The following EHMT1 variants were observed in gnomAD, a reference collection of about 807,000 sequenced individuals.
The protein encoded by EHMT1 is euchromatic histone lysine methyltransferase 1, also known as histone-lysine N-methyltransferase EHMT1.
EHMT1 carries 15 observed loss-of-function variants against 147.2 expected under a neutral mutation model. The observed-to-expected ratio is 0.10, with a 90% CI of 0.07 to 0.16. EHMT1 has a LOEUF of 0.16. Among genes scored for constraint, EHMT1 ranks in the 10% least tolerant of loss-of-function variants. The probability of loss-of-function intolerance (pLI) is 1.00; values close to 1 mark genes in which losing one functional copy is unlikely to be tolerated. For synonymous variants in EHMT1, 795 were observed against 709.6 expected (o/e 1.12, Z -1.91); for missense variants, 1,587 against 1,772.4 (o/e 0.90, Z 1.88).
intron 1 of EHMT1, among the ~76,000 whole-genome samples, chr9:137,644,509 A>G (rs372665105): frequency 1.1e-4 from 16 of 151,886 alleles, no homozygotes; most frequent in East Asian, 3.9e-4. Flanking sequence ...TGTATTTTTA[A>G]TAGAGACGGG....
At chr9:137,774,987 C>A (rs868036460) in intron 10 of EHMT1, 122 bp from the exon 11 acceptor site, 6 of 1,428,432 alleles carry the variant, frequency 4.2e-6, no homozygotes, top group East Asian at 2.3e-5. Flanking sequence ...TTGCAGGGCT[C>A]GGCTCAGTCA....
chr9:137,695,648 G>A (rs532732780), intron 1 of EHMT1, among the ~76,000 whole-genome samples: 8 of 152,340 alleles, frequency 5.3e-5, no homozygotes, highest in African/African-American at 1.7e-4. Flanking sequence ...TAGTTAGTGG[G>A]TTCTTGGCTA....
rs75346604 is a variant in EHMT1 at position 137,744,654 on chromosome 9, G to T, written c.1170+564G>T. Among the ~76,000 whole-genome samples the T allele has an allele frequency of 5.3e-3, 814 of 152,384 alleles. 8 individuals carry two copies. The highest frequency in any genetic ancestry group is 0.017 in the African/African-American group (715 of 41,594). ...TTCTGGGCTCTAGATTGACAGGAAT[G>T]ATATTGCTGACAGCTTGAAGTGCTG... is the stretch of plus-strand genomic sequence containing the variant. On this transcript the variant is annotated intron_variant, in intron 6 of 26. Coordinates refer to ENST00000460843, the MANE Select transcript of EHMT1 (RefSeq NM_024757.5).
intron 17 of EHMT1, among the ~76,000 whole-genome samples, chr9:137,799,905 C>G (rs1380970324): frequency 6.6e-6 from 1 of 152,234 alleles, no homozygotes; most frequent in Non-Finnish European, 1.5e-5. Context: ...TGACGTTGTA[C>G]CCTCCTCCAT....
chr9:137,748,416 T>C (rs1343171851), intron 6 of EHMT1, among the ~76,000 whole-genome samples: 1 of 152,240 alleles, frequency 6.6e-6, no homozygotes, highest in South Asian at 2.1e-4. Flanking sequence ...CCACTGTGGA[T>C]GGCCTGTGGG....
chr9:137,791,069 G>A, intron 16 of EHMT1, 99 bp downstream of exon 16: 1 of 1,595,322 alleles, frequency 6.3e-7, no homozygotes, highest in South Asian at 1.1e-5. Context: ...AGGACTTGGG[G>A]CCTTCACACA....
intron 1 of EHMT1, among the ~76,000 whole-genome samples, chr9:137,670,841 G>A (rs567835528): frequency 6.6e-6 from 1 of 152,254 alleles, no homozygotes; most frequent in African/African-American, 2.4e-5. Context: ...TCCATTCTCT[G>A]TCCGCTCGCC....
chr9:137,757,876 C>A lies in EHMT1; in HGVS notation c.1370-4C>A. 1 of 1,613,780 alleles carries A rather than the reference C, an allele frequency of 6.2e-7. No homozygotes were observed. Among genetic ancestry groups the A allele is most frequent in the South Asian group, 1.1e-5 (1 of 91,066 alleles). On this transcript the variant is annotated splice_region_variant and splice_polypyrimidine_tract_variant and intron_variant, in intron 8 of 26. Transcript: ENST00000460843. ...TGTCTGATGTGTGTGCCTTTCATACCTAGGTTCTGAGTCGTATAAGTCATC... is the reference window on the plus strand; with the variant it reads ...TGTCTGATGTGTGTGCCTTTCATACATAGGTTCTGAGTCGTATAAGTCATC...
chr9:137,830,832 C>T (rs188978118), intron 25 of EHMT1, among the ~76,000 whole-genome samples: 126 of 152,304 alleles, frequency 8.3e-4, no homozygotes, highest in Non-Finnish European at 1.6e-3. Context: ...GAAGTTCACA[C>T]CCAGAAAAGC....
chr9:137,724,896 GAT>G (rs1491071703), intron 3 of EHMT1, among the ~76,000 whole-genome samples: 1 of 139,556 alleles, frequency 7.2e-6, no homozygotes, highest in Non-Finnish European at 1.5e-5. Context: ...TCGTGGGACA[GAT>G]GTGGCATTCG....
At chr9:137,741,271 G>A (rs1013188421) in intron 4 of EHMT1, among the ~76,000 whole-genome samples, 1 of 152,256 alleles carries the variant, frequency 6.6e-6, no homozygotes, top group Admixed American at 6.5e-5. Flanking sequence ...GAGCCACTGC[G>A]CCCGGCCGAC....
intron 18 of EHMT1, among the ~76,000 whole-genome samples, chr9:137,803,805 C>G (rs1429050182): frequency 6.7e-6 from 1 of 150,074 alleles, no homozygotes; most frequent in African/African-American, 2.5e-5. Flanking sequence ...AAGCTGAGAT[C>G]GCACCACTGC....
In EHMT1 at chr9:137,628,313, C is replaced by T. The variant is rs552783115; in HGVS notation, c.21+9264C>T. Among the ~76,000 whole-genome samples the T allele has an allele frequency of 3.9e-5, 6 of 152,304 alleles. No individual in the cohort carries two copies. The South Asian group carries it at 1.2e-3, about 32-fold the overall frequency. On this transcript the variant is annotated intron_variant, in intron 1 of 26. Transcript: ENST00000460843. The stretch of plus-strand genomic sequence containing the variant: ...ATTTGTGTTCTATTTAGGGATTTCA[C>T]ATGTCTTGGGGTTTATGTGTCTCTT...
chr9:137,824,951 G>C (rs1955704105), intron 25 of EHMT1, among the ~76,000 whole-genome samples: 1 of 152,154 alleles, frequency 6.6e-6, no homozygotes, highest in Admixed American at 6.5e-5. Flanking sequence ...GTGCAGCTTT[G>C]TTTTCTGGAA....
rs562701902 is a variant in EHMT1, at chr9:137,835,905, C to T, written c.*952C>T. The stretch of plus-strand genomic sequence containing the variant: ...CATCACCTTTTGTGTGGTGGCCTGG[C>T]AGGTCATATACTTTTTTTTGGCATA... On this transcript the variant is annotated 3_prime_UTR_variant, in exon 27 of 27. Transcript: ENST00000460843. The T allele has an allele frequency of 6.6e-6, 1 of 152,618 alleles. No homozygotes were observed. Among genetic ancestry groups the T allele is most frequent in the East Asian group, 1.9e-4 (1 of 5,184 alleles). The allele number at this position is 152,618 out of a possible 1,614,324, so 9.5% of individuals were successfully genotyped here.
At chr9:137,719,565 G>A (rs895169026) in intron 3 of EHMT1, among the ~76,000 whole-genome samples, 8 of 152,318 alleles carry the variant, frequency 5.3e-5, no homozygotes, top group Non-Finnish European at 7.4e-5. Context: ...TTCTGTACAT[G>A]GCAAAGCTTT....
intron 1 of EHMT1, among the ~76,000 whole-genome samples, chr9:137,699,319 G>A (rs568512091): frequency 2.0e-5 from 3 of 152,324 alleles, no homozygotes; most frequent in African/African-American, 7.2e-5. Flanking sequence ...ATGGAGAGGT[G>A]TCTATTTGTA....
intron 3 of EHMT1, among the ~76,000 whole-genome samples, chr9:137,726,679 CT>C (rs1564648313): frequency 6.6e-6 from 1 of 152,312 alleles, no homozygotes; most frequent in South Asian, 2.1e-4. Flanking sequence ...CCACACTTAG[CT>C]TTTTGAGTTT....
intron 14 of EHMT1, among the ~76,000 whole-genome samples, chr9:137,780,484 TGTG>T (rs1424231947): frequency 3.2e-4 from 38 of 118,222 alleles, no homozygotes; most frequent in East Asian, 2.9e-4. Flanking sequence ...CGCTGAGACG[TGTG>T]GTGATGACGC....
Sources: gnomAD v4.1 joint callset for allele counts (sites outside exome capture counted in the v4.1 genomes callset) on GRCh38, gnomAD v4.1.1 for gene constraint, MANE v1.5 for transcripts, NCBI Gene and HGNC (gene_info 2026-07-23, HGNC 2026-07-21) for gene names.